LONP2: variants seen among roughly 807,000 people sequenced by gnomAD.
LONP2 encodes the protein lon protease homolog 2, peroxisomal.
In LONP2, 60 loss-of-function variants were observed where a neutral mutation model predicts 85.6. That is an observed-to-expected ratio of 0.70 (90% CI 0.57 to 0.87). The LOEUF (loss-of-function observed/expected upper bound fraction) is 0.87, where lower values mean the gene tolerates loss of function less well. Ranked by LOEUF, LONP2 falls within the 40% of genes least tolerant of loss-of-function variation. The pLI is 0.00. For missense variants in LONP2, 860 were observed against 1,063.5 expected (o/e 0.81, Z 2.66); for synonymous variants, 395 against 389.7 (o/e 1.01, Z -0.16).
intron 11 of LONP2, among the ~76,000 whole-genome samples, chr16:48,320,813 A>G (rs1220429481): frequency 1.3e-5 from 2 of 152,244 alleles, no homozygotes; most frequent in Non-Finnish European, 2.9e-5. Context: ...AGCTTCAATG[A>G]AGGCAAAAAT....
intron 7 of LONP2, among the ~76,000 whole-genome samples, chr16:48,272,401 A>G (rs1972123821): frequency 6.6e-6 from 1 of 152,180 alleles, no homozygotes; most frequent in Non-Finnish European, 1.5e-5. Context: ...ACTTACAAAC[A>G]TCACTGGATT....
At chr16:48,259,085 C>T (rs559942561) in intron 4 of LONP2, among the ~76,000 whole-genome samples, 17 of 152,204 alleles carry the variant, frequency 1.1e-4, no homozygotes, top group Middle Eastern at 3.4e-3. Context: ...ATACAAAACT[C>T]TTTCTTAAAA....
intron 9 of LONP2, among the ~76,000 whole-genome samples, chr16:48,298,192 C>A (rs1972716036): frequency 6.6e-6 from 1 of 152,158 alleles, no homozygotes. Flanking sequence ...CTTCCTTTGG[C>A]AGATTTAGCT....
intron 11 of LONP2, among the ~76,000 whole-genome samples, chr16:48,314,720 A>T (rs931501932): frequency 2.0e-5 from 3 of 152,140 alleles, no homozygotes; most frequent in African/African-American, 7.2e-5. Flanking sequence ...GCACACTTTT[A>T]CATAATTTTT....
intron 3 of LONP2, among the ~76,000 whole-genome samples, chr16:48,257,294 G>T (rs1971780446): frequency 6.6e-6 from 1 of 152,068 alleles, no homozygotes; most frequent in African/African-American, 2.4e-5. Flanking sequence ...CTGGGCAACA[G>T]AGACTCTGCC....
rs1361666850 is a variant in LONP2 at position 48,303,240 on chromosome 16, TG to T, written c.1731del (p.Lys578ArgfsTer17). ...GGGGCCATTTGCCGAGCTGTGGCCG[TG>T]AAGGTGGCAGAAGGACAGCATAAGG... ...KLGAICRAVAVKVAEGQHKEA... is the reference protein window; with the variant it reads ...KLGAICRAVAXKVAEGQHKEA... On this transcript the variant is annotated frameshift_variant, in exon 11 of 15. Transcript: ENST00000285737. LOFTEE classifies it high-confidence loss of function. 1 of 1,613,840 alleles carries T rather than the reference TG, an allele frequency of 6.2e-7. No individual in the cohort carries two copies. Among genetic ancestry groups the T allele is most frequent in the Non-Finnish European group, 8.5e-7 (1 of 1,179,986 alleles).
intron 11 of LONP2, among the ~76,000 whole-genome samples, chr16:48,304,635 CAG>C (rs1281844330): frequency 1.3e-5 from 2 of 152,154 alleles, no homozygotes; most frequent in African/African-American, 4.8e-5. Flanking sequence ...GCCCAAAAGT[CAG>C]AGGTTGCAGT....
downstream of LONP2, among the ~76,000 whole-genome samples, chr16:48,359,363 C>G (rs1960490260): frequency 6.6e-6 from 1 of 152,152 alleles, no homozygotes; most frequent in South Asian, 2.1e-4. Flanking sequence ...TTTTTCCAAG[C>G]ACACATGCTA....
At chr16:48,320,159 CAAAAAAAAA>C (rs80118943) in intron 11 of LONP2, among the ~76,000 whole-genome samples, 1 of 56,708 alleles carries the variant, frequency 1.8e-5, no homozygotes, top group African/African-American at 6.2e-5. Flanking sequence ...GACTCTGTCT[CAAAAAAAAA>C]AAAAAAAAAA....
At chr16:48,350,161 G>C (rs1302105448) in intron 14 of LONP2, among the ~76,000 whole-genome samples, 1 of 152,192 alleles carries the variant, frequency 6.6e-6, no homozygotes, top group Non-Finnish European at 1.5e-5. Flanking sequence ...CAAGGTGGGC[G>C]TATCACTTGA....
chr16:48,347,467 C>T (rs1294917149), intron 12 of LONP2, 40 bp from the exon 13 acceptor site: 6 of 1,603,728 alleles, frequency 3.7e-6, no homozygotes, highest in African/African-American at 2.7e-5. Context: ...TCACCTTTAG[C>T]ATTTGCCAAC....
intron 11 of LONP2, among the ~76,000 whole-genome samples, chr16:48,325,247 C>T (rs1433791694): frequency 1.3e-5 from 2 of 152,166 alleles, no homozygotes; most frequent in African/African-American, 4.8e-5. Context: ...GGTGCTCAGG[C>T]CGTAATGCTT....
intron 10 of LONP2, among the ~76,000 whole-genome samples, chr16:48,301,736 A>G (rs1336969362): frequency 2.0e-5 from 3 of 152,134 alleles, no homozygotes; most frequent in East Asian, 3.9e-4. Context: ...CTTTCTATTC[A>G]CTTTTCTATA....
chr16:48,277,973 G>A (rs1173393664), intron 8 of LONP2, among the ~76,000 whole-genome samples: 1 of 148,320 alleles, frequency 6.7e-6, no homozygotes, highest in Non-Finnish European at 1.5e-5. Context: ...TTCTTCCGTT[G>A]TCCCCACTGT....
Position 48,322,733 on chromosome 16 carries a change from A to T in LONP2, c.1796-11483A>T, listed in dbSNP as rs191411518. 1.6e-3 allele frequency among the ~76,000 whole-genome samples: 247 copies of T among 152,174 alleles called. 2 individuals carry two copies. The highest frequency in any genetic ancestry group is 0.01 in the Middle Eastern group (3 of 294). ...CTAAAAATATATATAAGAATAAAAAATTTTTTTTAAATGAAGCATAGTAAG... is the reference window on the plus strand; with the variant it reads ...CTAAAAATATATATAAGAATAAAAATTTTTTTTTAAATGAAGCATAGTAAG... On this transcript the variant is annotated intron_variant, in intron 11 of 14. Coordinates refer to ENST00000285737, the MANE Select transcript of LONP2 (RefSeq NM_031490.5).
intron 1 of LONP2, among the ~76,000 whole-genome samples, chr16:48,249,121 A>G (rs1383532602): frequency 6.6e-6 from 1 of 152,190 alleles, no homozygotes; most frequent in African/African-American, 2.4e-5. Flanking sequence ...ATATTTTACA[A>G]ACTCTGAGGG....
intron 11 of LONP2, among the ~76,000 whole-genome samples, chr16:48,315,657 GA>G: frequency 6.6e-6 from 1 of 152,228 alleles, no homozygotes; most frequent in East Asian, 1.9e-4. Context: ...TTTTGAAGGG[GA>G]CAAACATTTA....
intron 11 of LONP2, among the ~76,000 whole-genome samples, chr16:48,318,329 G>T (rs776158071): frequency 2.6e-4 from 39 of 151,978 alleles, no homozygotes; most frequent in South Asian, 6.2e-4. Context: ...GACCAGCCTG[G>T]CCAACATGGT....
intron 4 of LONP2, 98 bp from the exon 5 acceptor site, chr16:48,261,326 A>G (rs1423502305): frequency 8.2e-6 from 7 of 850,844 alleles, no homozygotes; most frequent in Non-Finnish European, 1.2e-5. Context: ...AGTCATAAAA[A>G]TATTTATTCA....
Sources: allele counts gnomAD v4.1 joint callset (sites outside exome capture counted in the v4.1 genomes callset), GRCh38; gene constraint gnomAD v4.1.1; transcripts MANE v1.5; gene names NCBI Gene and HGNC (gene_info 2026-07-23, HGNC 2026-07-21).